The following RAB11FIP3 variants were observed in gnomAD, a reference collection of about 807,000 sequenced individuals.
RAB11FIP3 encodes the protein RAB11 family interacting protein 3, also known as rab11 family-interacting protein 3.
In RAB11FIP3, 17 loss-of-function variants were observed where a neutral mutation model predicts 77.8. That is an observed-to-expected ratio of 0.22 (90% CI 0.15 to 0.33). The LOEUF (loss-of-function observed/expected upper bound fraction) is 0.33, where lower values mean the gene tolerates loss of function less well. Among genes scored for constraint, RAB11FIP3 ranks in the 10% least tolerant of loss-of-function variants. The pLI is 1.00. For missense variants in RAB11FIP3, 1,005 were observed against 1,011.2 expected (o/e 0.99, Z 0.08); for synonymous variants, 437 against 448.2 (o/e 0.98, Z 0.31).
chr16:486,430 T>A (rs1222510170), intron 4 of RAB11FIP3, among the ~76,000 whole-genome samples: 1 of 152,198 alleles, frequency 6.6e-6, no homozygotes, highest in African/African-American at 2.4e-5. Flanking sequence ...GAGGCAGAGT[T>A]TGCAGTGAGC....
intron 6 of RAB11FIP3, chr16:497,310 G>T: frequency 2.3e-6 from 3 of 1,304,166 alleles, no homozygotes; most frequent in South Asian, 1.2e-5. Flanking sequence ...AGATCTGTTG[G>T]CTTCCTGCTG....
intron 9 of RAB11FIP3, among the ~76,000 whole-genome samples, chr16:512,790 G>A (rs1379089440): frequency 6.6e-6 from 1 of 151,992 alleles, no homozygotes; most frequent in African/African-American, 2.4e-5. Flanking sequence ...TAATCCACCC[G>A]CCTCAGCCTC....
At position 480,290 on chromosome 16, in the gene RAB11FIP3, A is replaced by AAAAAG. The variant is rs1172195147; in HGVS notation, c.904-2231_904-2230insGAAAA. Among the ~76,000 whole-genome samples the AAAAAG allele has an allele frequency of 4.7e-5, 7 of 149,226 alleles. 1 individual carries two copies. Among genetic ancestry groups the AAAAAG allele is most frequent in the African/African-American group, 1.5e-4 (6 of 39,502 alleles). ...GGAAGAGTAAAACTCCTTCTCCAAA[A>AAAAAG]AAAAAAAAAAAAAAAAGTTGAATTG... On this transcript the variant is annotated intron_variant, in intron 3 of 13. Coordinates refer to ENST00000262305, the MANE Select transcript of RAB11FIP3 (RefSeq NM_014700.4).
At chr16:453,479 TTTA>T (rs1489313960) in intron 1 of RAB11FIP3, 7 of 152,152 alleles carry the variant, frequency 4.6e-5, no homozygotes, top group African/African-American at 1.7e-4. Flanking sequence ...GCACAGTGCT[TTTA>T]TTCTAGACTT....
intron 1 of RAB11FIP3, among the ~76,000 whole-genome samples, chr16:441,177 G>T (rs1204606287): frequency 2.6e-5 from 4 of 152,088 alleles, no homozygotes; most frequent in Non-Finnish European, 4.4e-5. Context: ...TCTTACCTCA[G>T]GTGATCCACC....
chr16:431,777 G>A (rs1440837546), intron 1 of RAB11FIP3, among the ~76,000 whole-genome samples: 2 of 147,370 alleles, frequency 1.4e-5, no homozygotes, highest in Non-Finnish European at 3.0e-5. Flanking sequence ...TTTTTTTTGA[G>A]ATGGAGTCTC....
At chr16:511,839 C>A in intron 9 of RAB11FIP3, among the ~76,000 whole-genome samples, 1 of 141,580 alleles carries the variant, frequency 7.1e-6, no homozygotes, top group East Asian at 2.1e-4. Context: ...CCTGACGGCC[C>A]GCCAACCCCA....
intron 2 of RAB11FIP3, among the ~76,000 whole-genome samples, chr16:467,308 A>T (rs2055717467): frequency 1.3e-5 from 2 of 152,172 alleles, no homozygotes; most frequent in South Asian, 4.1e-4. Context: ...CAGGCTCCTG[A>T]AGAGGATGGT....
intron 5 of RAB11FIP3, chr16:491,367 G>A (rs989651563): frequency 4.2e-6 from 5 of 1,197,348 alleles, no homozygotes; most frequent in African/African-American, 1.6e-5. Flanking sequence ...GCGACCAGGA[G>A]CCTCTCAGGC....
At position 514,012 on chromosome 16, in the gene RAB11FIP3, C is replaced by G. The variant is rs1474139505; in HGVS notation, c.1640+3212C>G. ...GGTTGGGGCACAGCCGTGTGGACAT[C>G]CTGCCGCCTCTGTGTGCTCTGGTGT... On this transcript the variant is annotated intron_variant, in intron 9 of 13. Coordinates refer to ENST00000262305, the MANE Select transcript of RAB11FIP3 (RefSeq NM_014700.4). This position sits in a 1 kb window ranked among gnomAD's most constrained non-coding sequence, Gnocchi z 4.6. 6.6e-6 allele frequency among the ~76,000 whole-genome samples: 1 copy of G among 152,224 alleles called. No homozygotes were observed. The highest frequency in any genetic ancestry group is 1.5e-5 in the Non-Finnish European group (1 of 68,038).
Position 521,758 on chromosome 16 carries a change from C to G in RAB11FIP3, c.*919C>G, listed in dbSNP as rs1322037999. 1 of 152,304 alleles carries G rather than the reference C, an allele frequency of 6.6e-6. No individual in the cohort carries two copies. Among genetic ancestry groups the G allele is most frequent in the Admixed American group, 6.5e-5 (1 of 15,294 alleles). 9.4% of individuals were successfully genotyped at this position (152,304 alleles called of 1,614,324 possible). On this transcript the variant is annotated 3_prime_UTR_variant, in exon 14 of 14. Transcript: ENST00000262305. ...CCTCCTAAAGGCCACACCCTCCCCA[C>G]GCACTTCCCAGGCCAGAATCCAAAC...
Position 477,296 on chromosome 16 carries a change from G to A in RAB11FIP3, c.904-5229G>A, listed in dbSNP as rs542876394. 6.6e-5 allele frequency among the ~76,000 whole-genome samples: 10 copies of A among 152,234 alleles called. No homozygotes were observed. In the East Asian group the frequency reaches 1.7e-3, roughly 26 times the overall value. ...ATTTTAGGCTACGTACTGAACCACT[G>A]AACCTGATGTTGTAATAACCACACT... On this transcript the variant is annotated intron_variant, in intron 3 of 13. Transcript: ENST00000262305.
rs565167636 is a variant in RAB11FIP3, at chr16:500,166, G to A, written c.1302-2838G>A. ...GCAGAGACCGGGGGCTCCGGGCAGA[G>A]CCGAGTCCATCAGGACTGGAGGAAG... On this transcript the variant is annotated intron_variant, in intron 6 of 13. Transcript: ENST00000262305. Among the ~76,000 whole-genome samples, 125 of 152,320 alleles carry A rather than the reference G, an allele frequency of 8.2e-4. 2 individuals carry two copies. The highest frequency in any genetic ancestry group is 2.7e-3 in the African/African-American group (114 of 41,570).
intron 1 of RAB11FIP3, among the ~76,000 whole-genome samples, chr16:441,414 G>A (rs544488838): frequency 6.6e-6 from 1 of 152,286 alleles, no homozygotes; most frequent in East Asian, 1.9e-4. Flanking sequence ...TCGACCTCTG[G>A]CATGTTCTCA....
chr16:449,057 C>T (rs1433977212), intron 1 of RAB11FIP3, among the ~76,000 whole-genome samples: 1 of 152,118 alleles, frequency 6.6e-6, no homozygotes, highest in African/African-American at 2.4e-5. Flanking sequence ...GCTCTGTCCG[C>T]TGAGACCACC....
intron 6 of RAB11FIP3, 32 bp downstream of exon 6, chr16:496,891 G>A (rs766065052): frequency 8.5e-6 from 13 of 1,520,960 alleles, no homozygotes; most frequent in East Asian, 2.3e-5. Context: ...GCTGAAAAAC[G>A]TTCTGAAGTG....
chr16:455,045 G>A (rs1413958766), intron 1 of RAB11FIP3, among the ~76,000 whole-genome samples: 1 of 124,446 alleles, frequency 8.0e-6, no homozygotes, highest in Admixed American at 8.4e-5. Context: ...GCGAAACTCC[G>A]TCTCAAAAAA....
At chr16:474,869 C>A in intron 3 of RAB11FIP3, 1 of 1,456,740 alleles carries the variant, frequency 6.9e-7, no homozygotes, top group Non-Finnish European at 9.1e-7. Flanking sequence ...TGTCTGGGAG[C>A]AGGTTAAACT....
chr16:427,895 T>G (rs954668264), intron 1 of RAB11FIP3, among the ~76,000 whole-genome samples: 1 of 151,376 alleles, frequency 6.6e-6, no homozygotes, highest in African/African-American at 2.4e-5. Flanking sequence ...GTCAGGAGAT[T>G]GAGACCATCC....
Sources: allele counts gnomAD v4.1 joint callset (sites outside exome capture counted in the v4.1 genomes callset), GRCh38; gene constraint gnomAD v4.1.1; non-coding constraint Gnocchi (gnomAD v3.1); transcripts MANE v1.5; gene names NCBI Gene and HGNC (gene_info 2026-07-23, HGNC 2026-07-21).